HOOK3: variants seen among roughly 807,000 people sequenced by gnomAD.
HOOK3 encodes the protein hook microtubule tethering protein 3.
Under a neutral mutation model 116.3 loss-of-function variants are expected in HOOK3, and 24 were observed. The ratio of observed to expected loss-of-function variants is 0.21; its 90% CI spans 0.15 to 0.29. The LOEUF (loss-of-function observed/expected upper bound fraction) is 0.29. HOOK3 is among the 10% of genes least tolerant of loss of function. The probability of loss-of-function intolerance (pLI) is 1.00; values close to 1 mark genes in which losing one functional copy is unlikely to be tolerated. For missense variants in HOOK3, 632 were observed against 830.2 expected (o/e 0.76, Z 2.93); for synonymous variants, 275 against 283.0 (o/e 0.97, Z 0.28).
chr8:42,941,517 CAAAAAAAAAAAA>C (rs960451235), intron 4 of HOOK3, among the ~76,000 whole-genome samples: 2 of 44,028 alleles, frequency 4.5e-5, no homozygotes, highest in Admixed American at 2.1e-4. Flanking sequence ...GACTCCGTCT[CAAAAAAAAAAAA>C]AAAAAAAAAA....
chr8:42,995,594 T>C (rs1479345985), intron 15 of HOOK3, among the ~76,000 whole-genome samples: 1 of 152,204 alleles, frequency 6.6e-6, no homozygotes, highest in African/African-American at 2.4e-5. Flanking sequence ...TCATTTTTGC[T>C]CATGGCCTCA....
intron 4 of HOOK3, among the ~76,000 whole-genome samples, chr8:42,934,901 A>G (rs1163336444): frequency 1.3e-5 from 2 of 152,220 alleles, no homozygotes; most frequent in Admixed American, 1.3e-4. Context: ...CTTTGGGTAT[A>G]TACCCAGTAA....
chr8:42,991,412 T>C (rs2130458879), intron 15 of HOOK3, among the ~76,000 whole-genome samples: 1 of 150,864 alleles, frequency 6.6e-6, no homozygotes, highest in South Asian at 2.1e-4. Context: ...TTTTTTTTTT[T>C]TCCTTTTGGA....
intron 1 of HOOK3, among the ~76,000 whole-genome samples, chr8:42,902,261 T>C (rs1807204815): frequency 6.7e-6 from 1 of 149,452 alleles, no homozygotes; most frequent in African/African-American, 2.5e-5. Flanking sequence ...AAATGTGTAT[T>C]CTCTCTCTCT....
At chr8:42,900,118 C>G (rs1022728117) in intron 1 of HOOK3, among the ~76,000 whole-genome samples, 1 of 152,094 alleles carries the variant, frequency 6.6e-6, no homozygotes, top group Non-Finnish European at 1.5e-5. Flanking sequence ...CCATATGTTC[C>G]AAATTTTTTC....
At chr8:42,929,747 T>C (rs563311443) in intron 3 of HOOK3, among the ~76,000 whole-genome samples, 171 of 152,332 alleles carry the variant, frequency 1.1e-3, no homozygotes, top group Non-Finnish European at 2.2e-3. Context: ...TAGATGCAGT[T>C]TGACTTTTCT....
At chr8:43,004,679 TAAAA>T (rs71231881) in intron 17 of HOOK3, among the ~76,000 whole-genome samples, 5 of 86,662 alleles carry the variant, frequency 5.8e-5, no homozygotes, top group Non-Finnish European at 9.0e-5. Context: ...AGACTCCATC[TAAAA>T]AAAAAAAAAA....
intron 8 of HOOK3, among the ~76,000 whole-genome samples, chr8:42,962,799 T>C (rs9792224): frequency 8.6e-4 from 76 of 88,386 alleles, no homozygotes; most frequent in East Asian, 4.4e-3. Context: ...TCTTCTTCTT[T>C]TTTTTTTTTT....
rs199727106 is a variant in HOOK3 at position 42,986,799 on chromosome 8, G to A, written c.1532+4G>A. 25 of 1,612,952 alleles carry A rather than the reference G, an allele frequency of 1.5e-5. No individual in the cohort carries two copies. Among genetic ancestry groups the A allele is most frequent in the Non-Finnish European group, 1.7e-5 (20 of 1,179,578 alleles). ...ATGAACTGGAGACAGAGAATAGGTA[G>A]AGTATTATAGGTGGCCGCATCTGGC... On this transcript the variant is annotated splice_donor_region_variant and intron_variant, in intron 15 of 21. Transcript: ENST00000307602.
chr8:42,981,296 G>A (rs962712366), intron 13 of HOOK3, among the ~76,000 whole-genome samples: 12 of 151,706 alleles, frequency 7.9e-5, no homozygotes, highest in South Asian at 2.1e-4. Flanking sequence ...CAATCGATCC[G>A]CCCACCTCGG....
At chr8:42,943,512 T>A in intron 5 of HOOK3, 67 bp downstream of exon 5, 1 of 1,091,970 alleles carries the variant, frequency 9.2e-7, no homozygotes, top group Non-Finnish European at 1.2e-6. Context: ...TTTTATATTT[T>A]ATATATAAAT....
Position 42,960,550 on chromosome 8 carries a change from T to A in HOOK3, c.615+1236T>A, listed in dbSNP as rs1808516440. ...AAAAGTTAAGATGCCAATGATAGAG[T>A]TTGAGAAGTAAAACAGGAGTGATGA... On this transcript the variant is annotated intron_variant, in intron 8 of 21. Coordinates refer to ENST00000307602, the MANE Select transcript of HOOK3 (RefSeq NM_032410.4). 3.3e-5 allele frequency among the ~76,000 whole-genome samples: 5 copies of A among 152,094 alleles called. No individual in the cohort carries two copies. In the South Asian group the frequency reaches 6.2e-4, roughly 19 times the overall value.
intron 8 of HOOK3, among the ~76,000 whole-genome samples, chr8:42,960,880 A>G (rs1327947980): frequency 6.6e-6 from 1 of 152,178 alleles, no homozygotes; most frequent in Non-Finnish European, 1.5e-5. Context: ...TATTGTTGTA[A>G]AGAAATACCC....
chr8:42,967,910 T>C, intron 10 of HOOK3, 103 bp from the exon 11 acceptor site: 1 of 679,256 alleles, frequency 1.5e-6, no homozygotes, highest in Non-Finnish European at 2.6e-6. Flanking sequence ...ACTTTTGTCT[T>C]ATTTCATTAG....
intron 15 of HOOK3, among the ~76,000 whole-genome samples, chr8:42,988,288 G>A (rs1027271580): frequency 6.6e-6 from 1 of 152,222 alleles, no homozygotes; most frequent in East Asian, 1.9e-4. Flanking sequence ...TCTGGTGCAA[G>A]TGTCTTGATG....
At chr8:42,985,422 A>G (rs1260516846) in intron 14 of HOOK3, among the ~76,000 whole-genome samples, 3 of 152,218 alleles carry the variant, frequency 2.0e-5, no homozygotes, top group Non-Finnish European at 2.9e-5. Context: ...GTGAAATTTT[A>G]GGTGTAAATA....
chr8:42,994,308 A>C, intron 15 of HOOK3: 1 of 244,234 alleles, frequency 4.1e-6, no homozygotes, highest in South Asian at 4.1e-5. Flanking sequence ...GAGCCACCAC[A>C]CCCAGCCTGC....
At position 42,938,412 on chromosome 8, in the gene HOOK3, A is replaced by G. The variant is rs566249727; in HGVS notation, c.268-4901A>G. Among the ~76,000 whole-genome samples the G allele has an allele frequency of 4.2e-4, 64 of 152,182 alleles. No homozygotes were observed. In the South Asian group the frequency reaches 6.0e-3, roughly 14 times the overall value. Reference sequence around the variant, plus strand: ...CCCATTTACATTTAAGGTTAATACTATGTGTGAATTTGATCCTGTCATTAT... The same window carrying G: ...CCCATTTACATTTAAGGTTAATACTGTGTGTGAATTTGATCCTGTCATTAT... On this transcript the variant is annotated intron_variant, in intron 4 of 21. Transcript: ENST00000307602.
At chr8:42,911,928 T>C (rs571826510) in intron 2 of HOOK3, among the ~76,000 whole-genome samples, 1 of 152,304 alleles carries the variant, frequency 6.6e-6, no homozygotes, top group East Asian at 1.9e-4. Flanking sequence ...GTTGACAGTC[T>C]AGAGTTCAGA....
Sources: allele counts gnomAD v4.1 joint callset (sites outside exome capture counted in the v4.1 genomes callset), GRCh38; gene constraint gnomAD v4.1.1; transcripts MANE v1.5; gene names NCBI Gene and HGNC (gene_info 2026-07-23, HGNC 2026-07-21).